The following CAMTA1 variants were observed in gnomAD, a reference collection of about 807,000 sequenced individuals.
CAMTA1 encodes the protein calmodulin-binding transcription activator 1.
A neutral mutation model predicts 170.9 loss-of-function variants in CAMTA1; 27 were observed. That is an observed-to-expected ratio of 0.16 (90% CI 0.12 to 0.22). CAMTA1 has a LOEUF of 0.22. Among genes scored for constraint, CAMTA1 ranks in the 10% least tolerant of loss-of-function variants. The probability of loss-of-function intolerance (pLI) is 1.00; values close to 1 mark genes in which losing one functional copy is unlikely to be tolerated. For missense variants in CAMTA1, 1,619 were observed against 2,217.2 expected (o/e 0.73, Z 5.42); for synonymous variants, 833 against 891.5 (o/e 0.93, Z 1.17).
At chr1:7,729,049 A>G (rs1273393484) in intron 11 of CAMTA1, among the ~76,000 whole-genome samples, 1 of 152,222 alleles carries the variant, frequency 6.6e-6, no homozygotes, top group Non-Finnish European at 1.5e-5. Context: ...TCGCTTTAAA[A>G]GAGGAAGTAT....
At chr1:6,791,155 C>T (rs1048482631) in intron 1 of CAMTA1, among the ~76,000 whole-genome samples, 1 of 148,042 alleles carries the variant, frequency 6.8e-6, no homozygotes, top group Non-Finnish European at 1.5e-5. Flanking sequence ...GACTTAAATC[C>T]GACCTCCCTT....
intron 6 of CAMTA1, among the ~76,000 whole-genome samples, chr1:7,626,502 T>A (rs2095634593): frequency 6.6e-6 from 1 of 152,232 alleles, no homozygotes; most frequent in African/African-American, 2.4e-5. Flanking sequence ...GTCAAGGTTG[T>A]GAAGAAGTTT....
At chr1:7,453,646 AGGT>A (rs2092882599) in intron 5 of CAMTA1, among the ~76,000 whole-genome samples, 1 of 152,212 alleles carries the variant, frequency 6.6e-6, no homozygotes, top group African/African-American at 2.4e-5. Flanking sequence ...GATGGCACAA[AGGT>A]GGTACTGGCC....
chr1:7,481,963 A>G (rs1619495), intron 6 of CAMTA1, among the ~76,000 whole-genome samples: 90,194 of 151,834 alleles, frequency 0.59, 27,272 homozygotes, highest in African/African-American at 0.71. Flanking sequence ...GAAAGTACCC[A>G]TGTGTCCCTT....
Position 7,732,963 on chromosome 1 carries a change from A to G in CAMTA1, c.3066+364A>G, listed in dbSNP as rs2096745146. Among the ~76,000 whole-genome samples, 5 of 152,250 alleles carry G rather than the reference A, an allele frequency of 3.3e-5. No homozygotes were observed. The South Asian group carries it at 1.0e-3, about 32-fold the overall frequency. ...AATCCCAGCGCTGTAGGAGGCCAAG[A>G]CGGGAGGATTGCTTGAGCCCAGGAG... On this transcript the variant is annotated intron_variant, in intron 12 of 22. Transcript: ENST00000303635. This position sits in a 1 kb window ranked among gnomAD's most constrained non-coding sequence, Gnocchi z 4.1.
At chr1:6,950,653 C>T (rs920849798) in intron 3 of CAMTA1, among the ~76,000 whole-genome samples, 2 of 152,100 alleles carry the variant, frequency 1.3e-5, no homozygotes, top group South Asian at 4.1e-4. Flanking sequence ...AGTAGGTATC[C>T]CAGCCAGAAG....
At chr1:7,395,148 G>A (rs768457924) in intron 5 of CAMTA1, among the ~76,000 whole-genome samples, 1 of 152,204 alleles carries the variant, frequency 6.6e-6, no homozygotes, top group African/African-American at 2.4e-5. Context: ...CTCCCAAAGT[G>A]CTGGGATTAC....
In CAMTA1 at chr1:7,410,897, C is replaced by G. The variant is rs3034827; in HGVS notation, c.439-56933C>G. Among the ~76,000 whole-genome samples, 612 of 141,644 alleles carry G rather than the reference C, an allele frequency of 4.3e-3. 4 individuals are homozygous for G. The highest frequency in any genetic ancestry group is 0.014 in the African/African-American group (559 of 40,496). The allele number at this position is 141,644 out of a possible 152,430, so 92.9% of individuals were successfully genotyped here. A position where few individuals can be genotyped will look rare whatever the true frequency, so the allele number is the denominator to read the frequency against. ...CCCAACGTGCATGGAGGGTGGGCGT[C>G]TGTGTGTGTGTGTGTGTGTGTGTGT... On this transcript the variant is annotated intron_variant, in intron 5 of 22. Transcript: ENST00000303635.
intron 5 of CAMTA1, among the ~76,000 whole-genome samples, chr1:7,276,315 T>TTTTTTTTTTTTTTTTTTTTC (rs1670713432): frequency 1.4e-5 from 1 of 72,822 alleles, no homozygotes; most frequent in African/African-American, 7.5e-5. Context: ...TTTTTTTTTT[T>TTTTTTTTTTTTTTTTTTTTC]TTTTTTCTTT....
Position 7,723,140 on chromosome 1 carries a change from T to C in CAMTA1, c.2915-9308T>C, listed in dbSNP as rs973704153. 1.1e-4 allele frequency among the ~76,000 whole-genome samples: 17 copies of C among 151,998 alleles called. No homozygotes were observed. In the East Asian group the frequency reaches 2.9e-3, roughly 26 times the overall value. On this transcript the variant is annotated intron_variant, in intron 11 of 22. Transcript: ENST00000303635. Reference sequence around the variant, plus strand: ...AGATGTTCATTTCTAAATACCGTTCTCCAATAAAAAGAACCAAAGCTCCAC... The same window carrying C: ...AGATGTTCATTTCTAAATACCGTTCCCCAATAAAAAGAACCAAAGCTCCAC...
chr1:7,163,795 G>A (rs1308237855), intron 4 of CAMTA1, among the ~76,000 whole-genome samples: 10 of 152,152 alleles, frequency 6.6e-5, no homozygotes, highest in Admixed American at 5.9e-4. Context: ...GGGAGGGTGC[G>A]GGGAGCAGGC....
chr1:7,223,382 G>A (rs1661164250), intron 4 of CAMTA1, among the ~76,000 whole-genome samples: 4 of 152,056 alleles, frequency 2.6e-5, no homozygotes, highest in Admixed American at 2.0e-4. Context: ...GTATGCATGC[G>A]TGTGTGTATG....
At chr1:7,531,691 T>A (rs911118274) in intron 6 of CAMTA1, among the ~76,000 whole-genome samples, 4 of 152,160 alleles carry the variant, frequency 2.6e-5, no homozygotes, top group African/African-American at 9.7e-5. Context: ...TCCCTCTACC[T>A]CTTTGTTCCT....
At chr1:7,516,542 G>T (rs1356718906) in intron 6 of CAMTA1, among the ~76,000 whole-genome samples, 1 of 152,198 alleles carries the variant, frequency 6.6e-6, no homozygotes, top group African/African-American at 2.4e-5. Context: ...TAAGAAAGAG[G>T]CACAGGGTAG....
At chr1:7,474,266 T>C (rs11805877) in intron 6 of CAMTA1, among the ~76,000 whole-genome samples, 15,484 of 134,602 alleles carry the variant, frequency 0.12, 1,961 homozygotes, top group African/African-American at 0.17. Flanking sequence ...CTAATGTCTC[T>C]GAGTCTCAGT....
At chr1:7,107,044 G>A (rs970695920) in intron 4 of CAMTA1, among the ~76,000 whole-genome samples, 2 of 152,068 alleles carry the variant, frequency 1.3e-5, no homozygotes, top group African/African-American at 4.8e-5. Context: ...GGTGGGGAGA[G>A]GGGGCCTCGA....
intron 3 of CAMTA1, among the ~76,000 whole-genome samples, chr1:6,962,860 C>T (rs1690732546): frequency 2.7e-5 from 4 of 146,020 alleles, no homozygotes; most frequent in Admixed American, 6.8e-5. Context: ...TCCATCCCTG[C>T]CTTGCCCTGT....
chr1:6,895,917 C>T (rs564951179), intron 3 of CAMTA1, among the ~76,000 whole-genome samples: 2 of 152,292 alleles, frequency 1.3e-5, no homozygotes, highest in South Asian at 2.1e-4. Context: ...TCTTCCCCAT[C>T]CTATTAGCTC....
intron 3 of CAMTA1, among the ~76,000 whole-genome samples, chr1:6,987,708 A>G (rs1695589512): frequency 6.6e-6 from 1 of 152,102 alleles, no homozygotes; most frequent in Non-Finnish European, 1.5e-5. Flanking sequence ...ACCTGTAGAT[A>G]CTCGTTGCTA....
Sources: gnomAD v4.1 joint callset for allele counts (sites outside exome capture counted in the v4.1 genomes callset) on GRCh38, gnomAD v4.1.1 for gene constraint, Gnocchi (gnomAD v3.1) non-coding constraint, MANE v1.5 for transcripts, NCBI Gene and HGNC (gene_info 2026-07-23, HGNC 2026-07-21) for gene names.